The following SLC2A9 variants were observed in gnomAD, a reference collection of about 807,000 sequenced individuals.
The protein encoded by SLC2A9 is solute carrier family 2 member 9.
In SLC2A9, 39 loss-of-function variants were observed where a neutral mutation model predicts 50.6. The ratio of observed to expected loss-of-function variants is 0.77; its 90% CI spans 0.60 to 1.01. The LOEUF is 1.01. Among genes scored for constraint, SLC2A9 ranks in the 50% least tolerant of loss-of-function variants. The pLI, the probability that SLC2A9 is intolerant of heterozygous loss-of-function variation, is 0.00. For synonymous variants in SLC2A9, 324 were observed against 276.9 expected, an observed-to-expected ratio of 1.17 and a Z score of -1.69; for missense variants, 686 against 677.6, an observed-to-expected ratio of 1.01 and a Z score of -0.14.
At chr4:9,901,386 C>T (rs954007249) in intron 8 of SLC2A9, among the ~76,000 whole-genome samples, 15 of 152,246 alleles carry the variant, frequency 9.9e-5, no homozygotes, top group Admixed American at 5.2e-4. Flanking sequence ...TCAGTCCTTT[C>T]GAGGCCAGTT....
At chr4:9,809,830 C>T (rs1027329304) in intron 3 of SLC2A9, among the ~76,000 whole-genome samples, 7 of 151,700 alleles carry the variant, frequency 4.6e-5, no homozygotes, top group East Asian at 1.9e-4. Context: ...CTAATCTAGC[C>T]GCCATCAACA....
chr4:9,816,485 A>C (rs780445542), intron 3 of SLC2A9, among the ~76,000 whole-genome samples: 1 of 152,160 alleles, frequency 6.6e-6, no homozygotes, highest in Non-Finnish European at 1.5e-5. Flanking sequence ...CTACAGTTTC[A>C]GGTACTGTAT....
At chr4:9,772,499 T>G (rs1716952063) in intron 1 of SLC2A9, among the ~76,000 whole-genome samples, 1 of 152,188 alleles carries the variant, frequency 6.6e-6, no homozygotes, top group Admixed American at 6.5e-5. Context: ...TAACAGAATG[T>G]GGTGTTGGGT....
chr4:10,018,763 C>A (rs576614465), intron 2 of SLC2A9, among the ~76,000 whole-genome samples: 1 of 152,090 alleles, frequency 6.6e-6, no homozygotes, highest in Non-Finnish European at 1.5e-5. Context: ...CGCCCTCCAG[C>A]CGCAAGAACT....
intron 3 of SLC2A9, among the ~76,000 whole-genome samples, chr4:9,813,576 G>T (rs1283054103): frequency 2.6e-5 from 4 of 152,278 alleles, no homozygotes; most frequent in South Asian, 4.2e-4. Flanking sequence ...CACTTATGAG[G>T]TGCCAGAAAA....
At chr4:9,930,768 G>A (rs1177337301) in intron 6 of SLC2A9, among the ~76,000 whole-genome samples, 4 of 152,214 alleles carry the variant, frequency 2.6e-5, no homozygotes, top group Non-Finnish European at 5.9e-5. Context: ...GGGACCACAA[G>A]GAAGAACTGC....
At chr4:10,026,657 T>C (rs866517018) in intron 1 of SLC2A9, among the ~76,000 whole-genome samples, 11 of 152,212 alleles carry the variant, frequency 7.2e-5, no homozygotes, top group African/African-American at 2.2e-4. Context: ...GGTCTATCCA[T>C]ATAGCGGAAA....
downstream of SLC2A9, among the ~76,000 whole-genome samples, chr4:9,795,330 C>T (rs1000082938): frequency 1.1e-4 from 17 of 152,130 alleles, no homozygotes; most frequent in African/African-American, 4.1e-4. Flanking sequence ...ATTCTATCCT[C>T]AGACTGATGC....
At chr4:9,782,140 G>T (rs1200078178) in intron 3 of SLC2A9, 2 of 1,566,666 alleles carry the variant, frequency 1.3e-6, no homozygotes, top group Non-Finnish European at 1.7e-6. Context: ...CGCCACTGGG[G>T]CCCTCACAGG....
At chr4:10,033,795 G>C (rs946554484) in intron 1 of SLC2A9, among the ~76,000 whole-genome samples, 2 of 152,230 alleles carry the variant, frequency 1.3e-5, no homozygotes, top group Non-Finnish European at 2.9e-5. Context: ...TGTGCTCGTG[G>C]GTTGTCATCC....
chr4:9,855,521 GT>G (rs1309999302), intron 10 of SLC2A9, among the ~76,000 whole-genome samples: 1 of 146,602 alleles, frequency 6.8e-6, no homozygotes, highest in Non-Finnish European at 1.5e-5. Context: ...AATCAGTATT[GT>G]TAAAATGGTC....
At position 9,908,263 on chromosome 4, in the gene SLC2A9, C is replaced by T. The variant is rs367692082; in HGVS notation, c.1085G>A (p.Gly362Asp). The T allele has an allele frequency of 2.2e-5, 35 of 1,613,696 alleles. No individual in the cohort carries two copies. The highest frequency in any genetic ancestry group is 2.8e-5 in the Non-Finnish European group (33 of 1,179,728). The part of the protein sequence containing the change: ...KIPYVTLSTG[G>D]IETLAAVFSG... The stretch of plus-strand genomic sequence containing the variant: ...GAAGACGGCAGCCAAAGTCTCGATG[C>T]CCCCTGTACTCAAGGTGACGTATGG... The change falls in exon 8 of 12, where the codon GGC becomes GAC. Residue 362 changes from glycine to aspartate, a missense_variant. Physicochemically the swap from Gly to Asp is moderately conservative, Grantham distance 94. Transcript: ENST00000264784.
chr4:9,959,028 A>G (rs901799815), intron 5 of SLC2A9, among the ~76,000 whole-genome samples: 1 of 152,168 alleles, frequency 6.6e-6, no homozygotes. Flanking sequence ...ATAAATGTTA[A>G]CCAGTGAACT....
At chr4:9,883,794 C>G (rs181695917) in intron 10 of SLC2A9, among the ~76,000 whole-genome samples, 1 of 152,152 alleles carries the variant, frequency 6.6e-6, no homozygotes, top group South Asian at 2.1e-4. Flanking sequence ...ATGATTAAAC[C>G]ACCTGCAAAT....
intron 10 of SLC2A9, among the ~76,000 whole-genome samples, chr4:9,870,681 C>T (rs1469333254): frequency 2.0e-5 from 3 of 152,190 alleles, no homozygotes; most frequent in East Asian, 1.9e-4. Flanking sequence ...GTACTAAAAC[C>T]GAACATGTGA....
chr4:9,820,007 T>A (rs1724186170), intron 3 of SLC2A9, among the ~76,000 whole-genome samples: 1 of 152,266 alleles, frequency 6.6e-6, no homozygotes, highest in South Asian at 2.1e-4. Context: ...AAGTATAATT[T>A]ACCGAATTTT....
chr4:9,851,862 C>A (rs776868938), intron 10 of SLC2A9, among the ~76,000 whole-genome samples: 2 of 151,802 alleles, frequency 1.3e-5, no homozygotes, highest in African/African-American at 4.8e-5. Context: ...ATTCAGTCAA[C>A]AAAAATAAAG....
At chr4:9,815,367 T>C (rs1265508104) in intron 3 of SLC2A9, among the ~76,000 whole-genome samples, 1 of 152,210 alleles carries the variant, frequency 6.6e-6, no homozygotes, top group East Asian at 1.9e-4. Flanking sequence ...TGTCATAACC[T>C]GCATGGATTG....
intron 2 of SLC2A9, among the ~76,000 whole-genome samples, chr4:10,011,827 C>T (rs537300804): frequency 1.3e-5 from 2 of 152,172 alleles, no homozygotes; most frequent in Non-Finnish European, 2.9e-5. Flanking sequence ...GATTTAGGTG[C>T]TCCTATTTAG....
Sources: gnomAD v4.1 joint callset for allele counts (sites outside exome capture counted in the v4.1 genomes callset) on GRCh38, gnomAD v4.1.1 for gene constraint, MANE v1.5 for transcripts, NCBI Gene and HGNC (gene_info 2026-07-23, HGNC 2026-07-21) for gene names.